Variants in DPP6 observed in about 807,000 individuals in gnomAD.
The protein encoded by DPP6 is dipeptidyl peptidase like 6, also known as A-type potassium channel modulatory protein DPP6.
DPP6 carries 69 observed loss-of-function variants against 122.6 expected under a neutral mutation model. The ratio of observed to expected loss-of-function variants is 0.56; its 90% CI spans 0.46 to 0.69. The LOEUF (loss-of-function observed/expected upper bound fraction) is 0.69. Among genes scored for constraint, DPP6 ranks in the 30% least tolerant of loss-of-function variants. The pLI is 0.00. For missense variants in DPP6, 928 were observed against 1,116.9 expected, an observed-to-expected ratio of 0.83 and a Z score of 2.41; for synonymous variants, 418 against 433.1, an observed-to-expected ratio of 0.97 and a Z score of 0.43.
intron 2 of DPP6, among the ~76,000 whole-genome samples, chr7:154,446,857 G>T (rs1819918949): frequency 1.3e-5 from 2 of 152,214 alleles, no homozygotes; most frequent in Admixed American, 1.3e-4. Context: ...AAGCCAAAGA[G>T]AAGTGCTATT....
At chr7:154,566,978 T>C in intron 5 of DPP6, 62 bp downstream of exon 5, 2 of 1,200,044 alleles carry the variant, frequency 1.7e-6, no homozygotes, top group Non-Finnish European at 2.4e-6. Context: ...TCTCATTAAG[T>C]ATATTTCCTT....
chr7:153,831,106 C>T, the DPP6 span, among the ~76,000 whole-genome samples: 7 of 152,018 alleles, frequency 4.6e-5, no homozygotes, highest in African/African-American at 1.4e-4. Context: ...TTAATTTTAC[C>T]GATTTTATTG....
intron 1 of DPP6, among the ~76,000 whole-genome samples, chr7:154,412,268 C>T (rs1442716470): frequency 6.6e-6 from 1 of 152,148 alleles, no homozygotes; most frequent in Non-Finnish European, 1.5e-5. Flanking sequence ...GGACAGAATA[C>T]AGTTCAGGGG....
chr7:154,885,313 C>T (rs537800502), intron 21 of DPP6: 4 of 253,690 alleles, frequency 1.6e-5, no homozygotes, highest in South Asian at 1.2e-4. Context: ...CATAAAGAGA[C>T]GCTGAGCCTG....
rs541610895 is a variant in DPP6 at position 154,215,191 on chromosome 7, G to A, written c.243+162128G>A. On this transcript the variant is annotated intron_variant, in intron 1 of 25. Coordinates refer to ENST00000377770, the MANE Select transcript of DPP6 (RefSeq NM_130797.4). ...GGAAGGTGGAAGGCAAAGGGGAAGC[G>A]AGGCATGTTTTACATGGCAGCAGGA... Among the ~76,000 whole-genome samples, 15 of 152,290 alleles carry A rather than the reference G, an allele frequency of 9.8e-5. No homozygotes were observed. The South Asian group carries it at 1.7e-3, about 17-fold the overall frequency.
chr7:154,799,704 T>C (rs1464981075), intron 12 of DPP6, among the ~76,000 whole-genome samples: 1 of 152,182 alleles, frequency 6.6e-6, no homozygotes, highest in Non-Finnish European at 1.5e-5. Context: ...TCTTCACAGA[T>C]CTGCTGAGTG....
intron 7 of DPP6, among the ~76,000 whole-genome samples, chr7:154,674,771 G>C (rs1838785174): frequency 6.6e-6 from 1 of 152,168 alleles, no homozygotes; most frequent in Admixed American, 6.5e-5. Context: ...ACTGGGGAGA[G>C]AGCTGTCCCC....
At chr7:154,169,416 G>T (rs1227083545) in intron 1 of DPP6, among the ~76,000 whole-genome samples, 2 of 152,156 alleles carry the variant, frequency 1.3e-5, no homozygotes, top group East Asian at 3.9e-4. Context: ...ACATGAGATG[G>T]CAGCAGGCAT....
At chr7:154,685,427 G>A (rs1051116843) in intron 7 of DPP6, among the ~76,000 whole-genome samples, 28 of 152,264 alleles carry the variant, frequency 1.8e-4, no homozygotes, top group African/African-American at 6.3e-4. Flanking sequence ...GCTCTGGTTC[G>A]TTTGGACCAG....
the DPP6 span, among the ~76,000 whole-genome samples, chr7:153,879,541 C>G: frequency 6.6e-6 from 1 of 152,108 alleles, no homozygotes; most frequent in South Asian, 2.1e-4. Flanking sequence ...AGGTGCACGC[C>G]ACCACAGCTG....
chr7:154,058,614 C>CG (rs1801161625), intron 1 of DPP6: 1 of 142,300 alleles, frequency 7.0e-6, no homozygotes, highest in African/African-American at 2.6e-5. Flanking sequence ...CTCTTCCCCC[C>CG]CCAGCTTAGG....
chr7:154,055,594 T>C (rs1800759721), intron 1 of DPP6: 1 of 152,022 alleles, frequency 6.6e-6, no homozygotes, highest in African/African-American at 2.4e-5. Context: ...TAGGAACACA[T>C]TGCATTTTAT....
chr7:154,178,545 A>T (rs1030122211), intron 1 of DPP6, among the ~76,000 whole-genome samples: 4 of 151,866 alleles, frequency 2.6e-5, no homozygotes, highest in Admixed American at 6.6e-5. Flanking sequence ...CTAGTTTAGG[A>T]TCCCTCTTTG....
At chr7:153,896,836 ATATACT>A in intron 1 of DPP6, among the ~76,000 whole-genome samples, 1 of 152,166 alleles carries the variant, frequency 6.6e-6, no homozygotes, top group Non-Finnish European at 1.5e-5. Context: ...ACATAAATAA[ATATACT>A]TATTTATAAC....
chr7:153,853,073 C>A, the DPP6 span, among the ~76,000 whole-genome samples: 2 of 152,176 alleles, frequency 1.3e-5, no homozygotes, highest in East Asian at 3.9e-4. Context: ...AAAAGAGATA[C>A]AGCTCTGTTG....
chr7:154,662,162 C>T (rs1461516573), intron 6 of DPP6, among the ~76,000 whole-genome samples: 8 of 147,176 alleles, frequency 5.4e-5, no homozygotes, highest in Middle Eastern at 3.8e-3. Flanking sequence ...GCATATTGGC[C>T]GTAGTGTTCA....
At chr7:154,290,741 G>T (rs1228021182) in intron 1 of DPP6, among the ~76,000 whole-genome samples, 1 of 151,964 alleles carries the variant, frequency 6.6e-6, no homozygotes, top group African/African-American at 2.4e-5. Context: ...GGCCCCTGGT[G>T]TTCCCGCGGG....
chr7:153,893,763 A>G (rs956868539), intron 1 of DPP6, among the ~76,000 whole-genome samples: 1 of 152,254 alleles, frequency 6.6e-6, no homozygotes, highest in Admixed American at 6.5e-5. Flanking sequence ...AATCTGAGGC[A>G]TACACAGACC....
chr7:153,879,443 G>A, the DPP6 span, among the ~76,000 whole-genome samples: 193 of 152,228 alleles, frequency 1.3e-3, 3 homozygotes, highest in African/African-American at 4.1e-3. Flanking sequence ...AGGCTGGAGT[G>A]CAGCAGTGCC....
Sources: allele counts gnomAD v4.1 joint callset (sites outside exome capture counted in the v4.1 genomes callset), GRCh38; gene constraint gnomAD v4.1.1; transcripts MANE v1.5; gene names NCBI Gene and HGNC (gene_info 2026-07-23, HGNC 2026-07-21).